Variants in MYH6 observed in about 807,000 individuals in gnomAD.
The protein encoded by MYH6 is myosin-6.
MYH6 carries 126 observed loss-of-function variants against 223.2 expected under a neutral mutation model. That is an observed-to-expected ratio of 0.56 (90% CI 0.49 to 0.65). The LOEUF (loss-of-function observed/expected upper bound fraction) is 0.65, where lower values mean the gene tolerates loss of function less well. MYH6 is among the 30% of genes least tolerant of loss of function. The pLI, the probability that MYH6 is intolerant of heterozygous loss-of-function variation, is 0.00. For synonymous variants in MYH6, 978 were observed against 1,010.2 expected, an observed-to-expected ratio of 0.97 and a Z score of 0.61; for missense variants, 2,040 against 2,536.4, an observed-to-expected ratio of 0.80 and a Z score of 4.20.
chr14:23,405,543 C>T lies in MYH6; in HGVS notation c.345+84G>A. ...GACTTGGGTCCCTTGGGAGTCTCTCCCCCTCTTCTTGGGAGAGCCCCCCTG... is the reference window on the plus strand; with the variant it reads ...GACTTGGGTCCCTTGGGAGTCTCTCTCCCTCTTCTTGGGAGAGCCCCCCTG... On this transcript the variant is annotated intron_variant, in intron 4 of 38. Transcript: ENST00000405093. This position sits in a 1 kb window ranked among gnomAD's most constrained non-coding sequence, Gnocchi z 4.7. The T allele has an allele frequency of 1.9e-6, 3 of 1,605,502 alleles. No homozygotes were observed. The South Asian group carries it at 3.3e-5, about 18-fold the overall frequency.
At chr14:23,398,333 A>G (rs1292940356) in intron 15 of MYH6, among the ~76,000 whole-genome samples, 2 of 151,882 alleles carry the variant, frequency 1.3e-5, no homozygotes, top group Admixed American at 6.6e-5. Flanking sequence ...TTCTTCTTAC[A>G]CTTTATCCTC....
rs767954371 is a variant in MYH6, at chr14:23,396,400, C to A, written c.2313G>T (p.Leu771=). 2.5e-6 allele frequency: 4 copies of A among 1,613,970 alleles called. No individual in the cohort carries two copies. Among genetic ancestry groups the A allele is most frequent in the Non-Finnish European group, 2.5e-6 (3 of 1,180,052 alleles). ...CCCGCATCTCCTCCAGCAGCCCAAG[C>A]AGCCCTGCCTTGAAGAACACCTGCA... ...GHTKVFFKAG[L]LGLLEEMRDE... The change falls in exon 20 of 39, where the codon CTG becomes CTT. Residue 771 remains leucine, a synonymous_variant. Transcript: ENST00000405093.
chr14:23,407,582 A>G lies in MYH6; in HGVS notation c.-20T>C. The G allele has an allele frequency of 8.4e-7, 1 of 1,195,410 alleles. No individual in the cohort carries two copies. The highest frequency in any genetic ancestry group is 1.1e-6 in the Non-Finnish European group (1 of 951,208). The allele number at this position is 1,195,410 out of a possible 1,614,324, so 74.1% of individuals were successfully genotyped here. A position where few individuals can be genotyped will look rare whatever the true frequency, so the allele number is the denominator to read the frequency against. ...AAATGGGGGCAGTTCTCACCTGGTTATCCCTTCACGGAGAATCCTGAAGAA... is the reference window on the plus strand; with the variant it reads ...AAATGGGGGCAGTTCTCACCTGGTTGTCCCTTCACGGAGAATCCTGAAGAA... On this transcript the variant is annotated 5_prime_UTR_variant, in exon 2 of 39. Coordinates refer to ENST00000405093, the MANE Select transcript of MYH6 (RefSeq NM_002471.4). This position sits in a 1 kb window ranked among gnomAD's most constrained non-coding sequence, Gnocchi z 5.6.
rs1025146248 is a variant in MYH6, at chr14:23,394,175, G to A, written c.2578C>T (p.Arg860Cys). 3.5e-5 allele frequency: 57 copies of A among 1,614,028 alleles called. No individual in the cohort carries two copies. Among genetic ancestry groups the A allele is most frequent in the East Asian group, 1.8e-4 (8 of 44,896 alleles). The change falls in exon 21 of 39, where the codon CGC (arginine) becomes TGC (cysteine). Residue 860 changes from arginine to cysteine, a missense_variant. Coordinates refer to ENST00000405093, the MANE Select transcript of MYH6 (RefSeq NM_002471.4). ...EMATMKEEFGRIKETLEKSEA... is the reference protein window; with the variant it reads ...EMATMKEEFGCIKETLEKSEA... ...GACTTCTCCAGCGTCTCTTTGATGC[G>A]CCCGAACTCTTCCTTCATGGTGGCC... is the stretch of plus-strand genomic sequence containing the variant.
In MYH6 at chr14:23,389,075, C is replaced by G; in HGVS notation, c.3979-20G>C. ...CTTCGCCTGGGGAGGGGGGGGGGCA[C>G]CAGGAGGTGGGAGGGACTCCCTGTG... On this transcript the variant is annotated intron_variant, in intron 28 of 38. Coordinates refer to ENST00000405093, the MANE Select transcript of MYH6 (RefSeq NM_002471.4). 2 of 1,560,514 alleles carry G rather than the reference C, an allele frequency of 1.3e-6. No homozygotes were observed. Among genetic ancestry groups the G allele is most frequent in the South Asian group, 1.1e-5 (1 of 87,228 alleles).
chr14:23,402,561 A>G lies in MYH6; in HGVS notation c.1044T>C (p.Ala348=), dbSNP rs948944172. ...DVLGFTSEEK[A]GVYKLTGAIM... ...TGGCTCCCGTCAGCTTGTAGACGCC[A>G]GCTTTCTCCTCTGAAGTGAAGCCCA... is the stretch of plus-strand genomic sequence containing the variant. The change falls in exon 12 of 39, where the codon GCT becomes GCC. Residue 348 remains alanine, a synonymous_variant. Coordinates refer to ENST00000405093, the MANE Select transcript of MYH6 (RefSeq NM_002471.4). The G allele has an allele frequency of 1.2e-6, 2 of 1,613,726 alleles. No individual in the cohort carries two copies. Among genetic ancestry groups the G allele is most frequent in the Non-Finnish European group, 1.7e-6 (2 of 1,179,970 alleles).
At chr14:23,386,242 G>T (rs1891016970) in intron 33 of MYH6, 73 bp downstream of exon 33, 1 of 1,613,206 alleles carries the variant, frequency 6.2e-7, no homozygotes, top group African/African-American at 1.3e-5. Context: ...TCTGGTGCCT[G>T]TATCCAGACA....
rs765312755 is a variant in MYH6, at chr14:23,393,913, G to A, written c.2686-5C>T. On this transcript the variant is annotated splice_polypyrimidine_tract_variant and splice_region_variant and intron_variant, in intron 21 of 38. Transcript: ENST00000405093. ...ATCATTGAGGTTGTCTTGTTCCTGGGAGAAGAGAACAGGGAGGAAGCTGAT... is the reference window on the plus strand; with the variant it reads ...ATCATTGAGGTTGTCTTGTTCCTGGAAGAAGAGAACAGGGAGGAAGCTGAT... 9 of 1,614,026 alleles carry A rather than the reference G, an allele frequency of 5.6e-6. No individual in the cohort carries two copies. The East Asian group carries it at 2.0e-4, about 36-fold the overall frequency.
rs1270837413 is a variant in MYH6, at chr14:23,406,747, T to G, written c.201+276A>C. ...CATTTAATGCTGTGTCTGTGCCCTC[T>G]TTATCTACAAGACCCCTCTTAGGCG... On this transcript the variant is annotated intron_variant, in intron 3 of 38. Coordinates refer to ENST00000405093, the MANE Select transcript of MYH6 (RefSeq NM_002471.4). Among the ~76,000 whole-genome samples the G allele has an allele frequency of 2.0e-5, 3 of 152,330 alleles. No individual in the cohort carries two copies. The East Asian group carries it at 5.8e-4, about 29-fold the overall frequency.
Position 23,387,748 on chromosome 14 carries a change from C to A in MYH6, c.4525+10G>T. 2 of 1,614,048 alleles carry A rather than the reference C, an allele frequency of 1.2e-6. No homozygotes were observed. Among genetic ancestry groups the A allele is most frequent in the Non-Finnish European group, 1.7e-6 (2 of 1,179,992 alleles). Reference sequence around the variant, plus strand: ...CAACTCATCTCTGGCCTCTTGGACCCCCAGCACACCCTGAAGGTTCTTGTT... The same window carrying A: ...CAACTCATCTCTGGCCTCTTGGACCACCAGCACACCCTGAAGGTTCTTGTT... On this transcript the variant is annotated intron_variant, in intron 31 of 38. Coordinates refer to ENST00000405093, the MANE Select transcript of MYH6 (RefSeq NM_002471.4).
In MYH6 at chr14:23,407,372, C is replaced by A. The variant is rs1216302777; in HGVS notation, c.-13-136G>T. 8.7e-7 allele frequency: 1 copy of A among 1,154,198 alleles called. No homozygotes were observed. Among genetic ancestry groups the A allele is most frequent in the Non-Finnish European group, 1.2e-6 (1 of 803,790 alleles). 71.5% of individuals were successfully genotyped at this position (1,154,198 alleles called of 1,614,324 possible). A position where few individuals can be genotyped will look rare whatever the true frequency, so the allele number is the denominator to read the frequency against. Reference sequence around the variant, plus strand: ...GGAGAGGCACCTGCTGTTGCACCCTCCCCTACTCAGGGCTCTGCTTCTCCT... The same window carrying A: ...GGAGAGGCACCTGCTGTTGCACCCTACCCTACTCAGGGCTCTGCTTCTCCT... On this transcript the variant is annotated intron_variant, in intron 2 of 38. Coordinates refer to ENST00000405093, the MANE Select transcript of MYH6 (RefSeq NM_002471.4). This position sits in a 1 kb window ranked among gnomAD's most constrained non-coding sequence, Gnocchi z 5.6.
chr14:23,401,777 C>T (rs1420932199), intron 12 of MYH6, among the ~76,000 whole-genome samples: 1 of 152,200 alleles, frequency 6.6e-6, no homozygotes, highest in African/African-American at 2.4e-5. Flanking sequence ...ACGCTCCTAC[C>T]CCCAGCCATC....
rs142823394 is a variant in MYH6, at chr14:23,386,492, C to T, written c.4782G>A (p.Arg1594=). Residue 1594 remains arginine (R), a synonymous_variant, in exon 33 of 39, where the codon CGG becomes CGA. Transcript: ENST00000405093. ...GGGAGGTCTGCAGCGAGTCCACCACCCGCTGGTGGTTGCGCTTGGCCTGTT... is the reference window on the plus strand; with the variant it reads ...GGGAGGTCTGCAGCGAGTCCACCACTCGCTGGTGGTTGCGCTTGGCCTGTT... ...EMEQAKRNHQ[R]VVDSLQTSLD... The T allele has an allele frequency of 2.3e-4, 369 of 1,614,224 alleles. No homozygotes were observed. The African/African-American group carries it at 4.4e-3, about 19-fold the overall frequency.
chr14:23,405,548 C>G lies in MYH6; in HGVS notation c.345+79G>C. The G allele has an allele frequency of 8.7e-6, 14 of 1,606,340 alleles. No homozygotes were observed. The highest frequency in any genetic ancestry group is 1.2e-5 in the Non-Finnish European group (14 of 1,175,276). ...GGGTCCCTTGGGAGTCTCTCCCCCTCTTCTTGGGAGAGCCCCCCTGGCTTA... is the reference window on the plus strand; with the variant it reads ...GGGTCCCTTGGGAGTCTCTCCCCCTGTTCTTGGGAGAGCCCCCCTGGCTTA... On this transcript the variant is annotated intron_variant, in intron 4 of 38. Transcript: ENST00000405093. The surrounding 1 kb of genome is among the most constrained non-coding windows in gnomAD (Gnocchi z 4.7).
Position 23,388,215 on chromosome 14 carries a change from G to A in MYH6, c.4299C>T (p.Asp1433=), listed in dbSNP as rs765006624. ...CAGCAGCAGCATTGGAGCGCTCTAC[G>A]TCCACCATCAAGTCCTCTATCTCAT... The part of the protein sequence containing the change: ...LQNEIEDLMV[D]VERSNAAAAA... Residue 1433 remains aspartate (D), a synonymous_variant, in exon 30 of 39, where the codon GAC becomes GAT. Transcript: ENST00000405093. 16 of 1,612,314 alleles carry A rather than the reference G, an allele frequency of 9.9e-6. No individual in the cohort carries two copies. In the East Asian group the frequency reaches 2.0e-4, roughly 20 times the overall value.
At position 23,404,404 on chromosome 14, in the gene MYH6, A is replaced by G. The variant is rs897347927; in HGVS notation, c.643-16T>C. On this transcript the variant is annotated splice_polypyrimidine_tract_variant and intron_variant, in intron 7 of 38. Coordinates refer to ENST00000405093, the MANE Select transcript of MYH6 (RefSeq NM_002471.4). ...CCAGGGTGCCCTATGAAAGGAGCAG[A>G]ACTGCATGGGTTCATCCTCCATCCA... 3 of 1,613,500 alleles carry G rather than the reference A, an allele frequency of 1.9e-6. No homozygotes were observed. In the African/African-American group the frequency reaches 4.0e-5, roughly 22 times the overall value.
chr14:23,388,347 G>T lies in MYH6; in HGVS notation c.4176-9C>A. 1.2e-6 allele frequency: 2 copies of T among 1,612,390 alleles called. No homozygotes were observed. Among genetic ancestry groups the T allele is most frequent in the Non-Finnish European group, 1.7e-6 (2 of 1,179,992 alleles). On this transcript the variant is annotated splice_polypyrimidine_tract_variant and intron_variant, in intron 29 of 38. Transcript: ENST00000405093. ...GCTGGGCCAGCTTCTTTCTGCCCAG[G>T]TGAGGGTGGAGGGTGTGTGTGTGAC...
intron 20 of MYH6, among the ~76,000 whole-genome samples, chr14:23,394,647 A>G (rs1891340834): frequency 6.6e-6 from 1 of 152,188 alleles, no homozygotes; most frequent in Admixed American, 6.5e-5. Flanking sequence ...AATGTCTATA[A>G]TAAGTATGTA....
intron 1 of MYH6, 33 bp downstream of exon 1, chr14:23,408,220 C>T (rs560679759): frequency 2.0e-6 from 2 of 985,234 alleles, no homozygotes; most frequent in African/African-American, 3.5e-5. Flanking sequence ...TGTGGACGGG[C>T]TGCAGGGCAT....
Sources: gnomAD v4.1 joint callset for allele counts (sites outside exome capture counted in the v4.1 genomes callset) on GRCh38, gnomAD v4.1.1 for gene constraint, Gnocchi (gnomAD v3.1) non-coding constraint, MANE v1.5 for transcripts, NCBI Gene and HGNC (gene_info 2026-07-23, HGNC 2026-07-21) for gene names.